The following SH3PXD2A variants were observed in gnomAD, a reference collection of about 807,000 sequenced individuals.
SH3PXD2A encodes the protein SH3 and PX domains 2A, also known as SH3 and PX domain-containing protein 2A.
A neutral mutation model predicts 115.2 loss-of-function variants in SH3PXD2A; 32 were observed. That is an observed-to-expected ratio of 0.28 (90% CI 0.21 to 0.37). The LOEUF (loss-of-function observed/expected upper bound fraction) is 0.37. Ranked by LOEUF, SH3PXD2A falls within the 10% of genes least tolerant of loss-of-function variation. The probability of loss-of-function intolerance (pLI) is 1.00; values close to 1 mark genes in which losing one functional copy is unlikely to be tolerated. For synonymous variants in SH3PXD2A, 610 were observed against 629.1 expected, an observed-to-expected ratio of 0.97 and a Z score of 0.45; for missense variants, 1,328 against 1,498.7, an observed-to-expected ratio of 0.89 and a Z score of 1.88.
intron 2 of SH3PXD2A, among the ~76,000 whole-genome samples, chr10:103,792,988 T>G (rs1482108559): frequency 6.6e-5 from 10 of 152,228 alleles, no homozygotes; most frequent in Non-Finnish European, 1.3e-4. Context: ...CATGTTCTTA[T>G]GTTTACTTTT....
At chr10:103,693,160 C>G in intron 5 of SH3PXD2A, 104 bp from the exon 6 acceptor site, 1 of 883,198 alleles carries the variant, frequency 1.1e-6, no homozygotes, top group Non-Finnish European at 1.8e-6. Flanking sequence ...GTCCCCGGTG[C>G]CGCTGCTCAT....
chr10:103,791,207 G>A (rs992164448), intron 2 of SH3PXD2A, among the ~76,000 whole-genome samples: 2 of 152,226 alleles, frequency 1.3e-5, no homozygotes, highest in African/African-American at 4.8e-5. Context: ...TTGACCCCAT[G>A]GAGAGGCTGG....
At chr10:103,640,919 T>C (rs2133983092) in intron 8 of SH3PXD2A, among the ~76,000 whole-genome samples, 1 of 152,048 alleles carries the variant, frequency 6.6e-6, no homozygotes, top group East Asian at 1.9e-4. Context: ...CCCTGGGGGC[T>C]ACAGGGAAGC....
At chr10:103,764,013 C>T (rs1054508312) in intron 3 of SH3PXD2A, among the ~76,000 whole-genome samples, 1 of 152,230 alleles carries the variant, frequency 6.6e-6, no homozygotes, top group African/African-American at 2.4e-5. Flanking sequence ...AGCATACCCT[C>T]AAAAGCCACT....
In SH3PXD2A at chr10:103,719,721, C is replaced by CTT. The variant is rs11438501; in HGVS notation, c.398+4547_398+4548dup. Among the ~76,000 whole-genome samples, 628 of 114,684 alleles carry CTT rather than the reference C, an allele frequency of 5.5e-3. 9 individuals are homozygous for CTT. The highest frequency in any genetic ancestry group is 0.01 in the African/African-American group (301 of 28,852). 75.2% of individuals were successfully genotyped at this position (114,684 alleles called of 152,430 possible). A position where few individuals can be genotyped will look rare whatever the true frequency, so the allele number is the denominator to read the frequency against. ...TTTCTTTTTCTTTTTTTTTTTCTTT[C>CTT]TTTTTTTTTTTTTTTTTGAGATGGA... On this transcript the variant is annotated intron_variant, in intron 5 of 14. Coordinates refer to ENST00000369774, the MANE Select transcript of SH3PXD2A (RefSeq NM_001394015.1).
intron 11 of SH3PXD2A, among the ~76,000 whole-genome samples, chr10:103,616,689 C>T (rs1382221494): frequency 6.6e-6 from 1 of 152,240 alleles, no homozygotes; most frequent in Non-Finnish European, 1.5e-5. Flanking sequence ...ACAGCCAGTC[C>T]CCATCCACCA....
At chr10:103,678,399 G>A (rs2037568101) in intron 6 of SH3PXD2A, among the ~76,000 whole-genome samples, 1 of 152,268 alleles carries the variant, frequency 6.6e-6, no homozygotes, top group African/African-American at 2.4e-5. Context: ...GCAGCTGAGA[G>A]GGCCTGGAAG....
At chr10:103,612,558 C>A (rs764377288) in intron 12 of SH3PXD2A, among the ~76,000 whole-genome samples, 2 of 152,206 alleles carry the variant, frequency 1.3e-5, no homozygotes, top group Non-Finnish European at 2.9e-5. Flanking sequence ...ACGCGTGTAT[C>A]TGCAGAGTGA....
intron 13 of SH3PXD2A, 109 bp downstream of exon 13, chr10:103,611,472 G>A: frequency 9.5e-7 from 1 of 1,050,112 alleles, no homozygotes; most frequent in Non-Finnish European, 1.5e-6. Flanking sequence ...CAGGGCTCTG[G>A]AAAACCCCTG....
At chr10:103,789,311 G>C (rs1042069928) in intron 2 of SH3PXD2A, among the ~76,000 whole-genome samples, 2 of 152,162 alleles carry the variant, frequency 1.3e-5, no homozygotes, top group East Asian at 3.8e-4. Flanking sequence ...CACTTAGTGC[G>C]GCAACACCCG....
At chr10:103,659,210 T>C (rs1280052968) in intron 8 of SH3PXD2A, among the ~76,000 whole-genome samples, 2 of 152,190 alleles carry the variant, frequency 1.3e-5, no homozygotes, top group African/African-American at 4.8e-5. Context: ...GCAGGATGAC[T>C]TCCTCTTGTG....
chr10:103,771,188 CCCA>C (rs1165170943), intron 2 of SH3PXD2A, among the ~76,000 whole-genome samples: 2 of 152,210 alleles, frequency 1.3e-5, no homozygotes, highest in Non-Finnish European at 2.9e-5. Flanking sequence ...TGAGACCTCA[CCCA>C]AGGTGCTATA....
chr10:103,622,486 G>T lies in SH3PXD2A; in HGVS notation c.786C>A (p.Asn262Lys). 6.5e-7 allele frequency: 1 copy of T among 1,549,942 alleles called. No individual in the cohort carries two copies. Residue 262 changes from asparagine to lysine, a missense_variant, in exon 10 of 15, where the codon AAC becomes AAA. By Grantham distance (94) the Asn-to-Lys change is moderately conservative (BLOSUM62 0). Around this residue, in one of 5 missense-constraint regions of SH3PXD2A, gnomAD observed 509 missense variants for 628.3 expected, o/e 0.81. Transcript: ENST00000369774. ...DRRWTLGGMV[N>K]RQHSREEKYV... is the part of the protein sequence containing the mutation. ...CGCAGTCACCTCGGCTGTGCTGCCTGTTGACCATCCCGCCCAGGGTCCACC... is the reference window on the plus strand; with the variant it reads ...CGCAGTCACCTCGGCTGTGCTGCCTTTTGACCATCCCGCCCAGGGTCCACC...
chr10:103,694,234 G>C (rs950182940), intron 5 of SH3PXD2A, among the ~76,000 whole-genome samples: 3 of 148,580 alleles, frequency 2.0e-5, no homozygotes, highest in African/African-American at 7.5e-5. Context: ...CCCATCTTTG[G>C]TCGAAGCAAA....
chr10:103,832,592 T>C (rs1361932857), intron 1 of SH3PXD2A, among the ~76,000 whole-genome samples: 3 of 152,326 alleles, frequency 2.0e-5, no homozygotes, highest in African/African-American at 7.2e-5. Flanking sequence ...GATGAGTTCA[T>C]GTCCTTTGTA....
At chr10:103,842,970 G>T (rs1282419184) in intron 1 of SH3PXD2A, among the ~76,000 whole-genome samples, 1 of 152,100 alleles carries the variant, frequency 6.6e-6, no homozygotes, top group Admixed American at 6.5e-5. Flanking sequence ...ATAAAAATTC[G>T]TAGACTGGAA....
At chr10:103,701,306 TTCATCCATCCA>T (rs1259767139) in intron 5 of SH3PXD2A, among the ~76,000 whole-genome samples, 2 of 137,084 alleles carry the variant, frequency 1.5e-5, no homozygotes, top group South Asian at 2.5e-4. Context: ...CATCCATCCA[TTCATCCATCCA>T]TCATCCATCC....
chr10:103,636,755 A>C (rs2036872698), intron 8 of SH3PXD2A, among the ~76,000 whole-genome samples: 1 of 151,990 alleles, frequency 6.6e-6, no homozygotes, highest in South Asian at 2.1e-4. Flanking sequence ...TGGTGGGGGG[A>C]GGGGAGACCC....
intron 1 of SH3PXD2A, among the ~76,000 whole-genome samples, chr10:103,803,702 T>C (rs908887171): frequency 6.6e-6 from 1 of 152,204 alleles, no homozygotes; most frequent in African/African-American, 2.4e-5. Flanking sequence ...ACTACTTTGA[T>C]CAGGACTGAA....
Sources: allele counts gnomAD v4.1 joint callset (sites outside exome capture counted in the v4.1 genomes callset), GRCh38; gene constraint gnomAD v4.1.1; regional missense constraint gnomAD v4.1.1; transcripts MANE v1.5; gene names NCBI Gene and HGNC (gene_info 2026-07-23, HGNC 2026-07-21).